Variants in INTS8 observed in about 807,000 individuals in gnomAD.
INTS8 encodes integrator complex subunit 8, also known as protein kaonashi-1.
INTS8 carries 47 observed loss-of-function variants against 138.9 expected under a neutral mutation model. The observed-to-expected ratio is 0.34, with a 90% CI of 0.27 to 0.43. The LOEUF (loss-of-function observed/expected upper bound fraction) is 0.43. INTS8 is among the 20% of genes least tolerant of loss of function. The pLI is 1.00. For synonymous variants in INTS8, 392 were observed against 400.9 expected (o/e 0.98, Z 0.27); for missense variants, 996 against 1,173.0 (o/e 0.85, Z 2.20).
chr8:94,868,240 GA>G (rs916998371), intron 20 of INTS8, among the ~76,000 whole-genome samples: 2 of 152,130 alleles, frequency 1.3e-5, no homozygotes, highest in East Asian at 1.9e-4. Context: ...TCATGTAGGG[GA>G]ATCAACTTGT....
At chr8:94,874,464 C>G (rs1052140935) in intron 22 of INTS8, 88 bp from the exon 23 acceptor site, 11 of 754,996 alleles carry the variant, frequency 1.5e-5, no homozygotes, top group Non-Finnish European at 2.4e-5. Context: ...ACACAGCTTC[C>G]TCTTTTGACA....
At chr8:94,828,892 C>G in intron 4 of INTS8, 83 bp from the exon 5 acceptor site, 1 of 849,214 alleles carries the variant, frequency 1.2e-6, no homozygotes, top group East Asian at 2.6e-5. Flanking sequence ...ACCTGACTTT[C>G]AAGAATGATG....
chr8:94,876,899 C>A (rs569186145), intron 26 of INTS8, among the ~76,000 whole-genome samples: 1 of 152,188 alleles, frequency 6.6e-6, no homozygotes, highest in African/African-American at 2.4e-5. Flanking sequence ...TTGAAATTTT[C>A]TCTTCCAAGA....
intron 6 of INTS8, among the ~76,000 whole-genome samples, chr8:94,833,666 T>G (rs1814810316): frequency 6.6e-6 from 1 of 152,236 alleles, no homozygotes; most frequent in African/African-American, 2.4e-5. Context: ...GTAAAACATC[T>G]GTATGTGCTA....
intron 8 of INTS8, among the ~76,000 whole-genome samples, chr8:94,840,346 T>C (rs1382744546): frequency 2.0e-5 from 3 of 152,196 alleles, no homozygotes; most frequent in African/African-American, 7.2e-5. Flanking sequence ...TGGTAGTGGC[T>C]GATTAGTTTA....
intron 16 of INTS8, among the ~76,000 whole-genome samples, chr8:94,864,347 TTGCTAC>T: frequency 6.6e-6 from 1 of 152,288 alleles, no homozygotes; most frequent in Middle Eastern, 3.4e-3. Context: ...GAAATTATCC[TTGCTAC>T]TGCACCCTCT....
rs1468186975 is a variant in INTS8 at position 94,881,593 on chromosome 8, A to G, written c.*1359A>G. 4 of 1,607,204 alleles carry G rather than the reference A, an allele frequency of 2.5e-6. No individual in the cohort carries two copies. Among genetic ancestry groups the G allele is most frequent in the Admixed American group, 1.7e-5 (1 of 58,492 alleles). On this transcript the variant is annotated 3_prime_UTR_variant, in exon 27 of 27. Coordinates refer to ENST00000523731, the MANE Select transcript of INTS8 (RefSeq NM_017864.4). Reference sequence around the variant, plus strand: ...AGTTCAGTGATACCAGTTCTACCCAATCTTGGTGAATTCCAACTTGTTTGC... The same window carrying G: ...AGTTCAGTGATACCAGTTCTACCCAGTCTTGGTGAATTCCAACTTGTTTGC...
rs1004193099 is a variant in INTS8, at chr8:94,881,734, A to T, written c.*1500A>T. Reference sequence around the variant, plus strand: ...CCCCTTTTCTGAAGGTGTTTATGTAATTTACTTCCTCCTATACATGGGAAG... The same window carrying T: ...CCCCTTTTCTGAAGGTGTTTATGTATTTTACTTCCTCCTATACATGGGAAG... On this transcript the variant is annotated 3_prime_UTR_variant, in exon 27 of 27. Coordinates refer to ENST00000523731, the MANE Select transcript of INTS8 (RefSeq NM_017864.4). 2.5e-6 allele frequency: 4 copies of T among 1,613,790 alleles called. No homozygotes were observed. The highest frequency in any genetic ancestry group is 8.5e-7 in the Non-Finnish European group (1 of 1,179,830).
chr8:94,871,945 C>T lies in INTS8; in HGVS notation c.2476C>T (p.Leu826Phe). ...AGTGAAAGAGCTAGTTCGATATACA[C>T]TCAGTATAAATCCAAATAACCATTC... Reference protein sequence around the residue: ...ITVKELVRYTLSINPNNHSWL... With the variant: ...ITVKELVRYTFSINPNNHSWL... The change falls in exon 21 of 27, where the codon CTC becomes TTC. Residue 826 changes from leucine to phenylalanine, a missense_variant. Leu to Phe is a conservative substitution (Grantham distance 22, BLOSUM62 0). Transcript: ENST00000523731. 6.2e-7 allele frequency: 1 copy of T among 1,609,182 alleles called. No individual in the cohort carries two copies. Among genetic ancestry groups the T allele is most frequent in the Non-Finnish European group, 8.5e-7 (1 of 1,176,144 alleles).
chr8:94,854,118 A>C (rs2131037606), intron 14 of INTS8, among the ~76,000 whole-genome samples: 1 of 149,856 alleles, frequency 6.7e-6, no homozygotes, highest in East Asian at 2.0e-4. Flanking sequence ...AGCTACTCGG[A>C]GTCTGAGGCA....
At chr8:94,876,934 C>T (rs1020162075) in intron 26 of INTS8, among the ~76,000 whole-genome samples, 4 of 152,156 alleles carry the variant, frequency 2.6e-5, no homozygotes, top group South Asian at 4.1e-4. Flanking sequence ...TCAGATCTCT[C>T]GTCAATCATC....
At chr8:94,866,413 T>C in intron 18 of INTS8, 1 of 510,518 alleles carries the variant, frequency 2.0e-6, no homozygotes, top group South Asian at 1.9e-5. Context: ...CTGCCTCAGC[T>C]TTCTGAGGAA....
At chr8:94,826,647 T>C (rs1428819463) in intron 2 of INTS8, among the ~76,000 whole-genome samples, 1 of 152,146 alleles carries the variant, frequency 6.6e-6, no homozygotes, top group African/African-American at 2.4e-5. Context: ...TTGAAATATA[T>C]TCTGAAATAT....
intron 8 of INTS8, among the ~76,000 whole-genome samples, chr8:94,840,217 C>T (rs1263701096): frequency 6.6e-6 from 1 of 152,208 alleles, no homozygotes; most frequent in East Asian, 1.9e-4. Flanking sequence ...GGTGTGTCTT[C>T]TCACACTTGA....
At chr8:94,846,949 A>G (rs975381953) in intron 10 of INTS8, among the ~76,000 whole-genome samples, 2 of 152,228 alleles carry the variant, frequency 1.3e-5, no homozygotes, top group Non-Finnish European at 2.9e-5. Flanking sequence ...CAACTAGGTC[A>G]TGATCGTTTT....
chr8:94,863,492 C>T (rs1250125378), intron 16 of INTS8, among the ~76,000 whole-genome samples: 2 of 152,186 alleles, frequency 1.3e-5, no homozygotes, highest in Non-Finnish European at 2.9e-5. Flanking sequence ...TGTACTGATC[C>T]TGCTACTGTT....
chr8:94,865,245 C>T (rs138656654), intron 16 of INTS8, among the ~76,000 whole-genome samples: 208 of 152,064 alleles, frequency 1.4e-3, no homozygotes, highest in African/African-American at 4.8e-3. Flanking sequence ...TGCGTTGTCT[C>T]ATTTTCGTTT....
intron 7 of INTS8, 134 bp from the exon 8 acceptor site, chr8:94,838,329 C>T (rs1815009140): frequency 4.7e-6 from 3 of 632,832 alleles, no homozygotes; most frequent in South Asian, 2.4e-5. Flanking sequence ...GGATTACAGG[C>T]GTGAACCGCT....
intron 20 of INTS8, among the ~76,000 whole-genome samples, chr8:94,871,357 A>G (rs1816391154): frequency 6.6e-6 from 1 of 152,022 alleles, no homozygotes; most frequent in Admixed American, 6.6e-5. Context: ...GAGCGCCTGT[A>G]ATCCCAGCTA....
Sources: allele counts gnomAD v4.1 joint callset (sites outside exome capture counted in the v4.1 genomes callset), GRCh38; gene constraint gnomAD v4.1.1; transcripts MANE v1.5; gene names NCBI Gene and HGNC (gene_info 2026-07-23, HGNC 2026-07-21).